The following TLL1 variants were observed in gnomAD, a reference collection of about 807,000 sequenced individuals.
TLL1 encodes the protein tolloid like 1, also known as tolloid-like protein 1.
TLL1 carries 49 observed loss-of-function variants against 128.2 expected under a neutral mutation model. That is an observed-to-expected ratio of 0.38 (90% CI 0.30 to 0.48). The LOEUF (loss-of-function observed/expected upper bound fraction) is 0.48. Among genes scored for constraint, TLL1 ranks in the 20% least tolerant of loss-of-function variants. TLL1 has a pLI of 0.96. For synonymous variants in TLL1, 454 were observed against 418.8 expected (o/e 1.08, Z -1.03); for missense variants, 1,123 against 1,242.0 (o/e 0.90, Z 1.44).
At chr4:165,902,808 T>C (rs1032249661) in intron 1 of TLL1, among the ~76,000 whole-genome samples, 37 of 152,314 alleles carry the variant, frequency 2.4e-4, no homozygotes, top group African/African-American at 8.2e-4. Flanking sequence ...CCCCAAAATG[T>C]TGATACATAT....
At chr4:166,074,744 G>A in intron 16 of TLL1, 134 bp from the exon 17 acceptor site, 1 of 1,109,374 alleles carries the variant, frequency 9.0e-7, no homozygotes, top group Non-Finnish European at 1.3e-6. Flanking sequence ...ATTTTTGTTT[G>A]TTTTATGTTG....
intron 1 of TLL1, among the ~76,000 whole-genome samples, chr4:165,922,305 T>C (rs1364757977): frequency 6.6e-6 from 1 of 152,218 alleles, no homozygotes; most frequent in Non-Finnish European, 1.5e-5. Flanking sequence ...TGATTCTTTG[T>C]TATTGGTTGG....
In TLL1 at chr4:166,075,020, A is replaced by C; in HGVS notation, c.2314+17A>C. On this transcript the variant is annotated intron_variant, in intron 17 of 20. Transcript: ENST00000061240. ...GCAAGGAAGGTATGGAACGGAATACACTTTTTTTGACAACATGTAGAATTT... is the reference window on the plus strand; with the variant it reads ...GCAAGGAAGGTATGGAACGGAATACCCTTTTTTTGACAACATGTAGAATTT... The C allele has an allele frequency of 6.2e-7, 1 of 1,612,368 alleles. No individual in the cohort carries two copies. The highest frequency in any genetic ancestry group is 8.5e-7 in the Non-Finnish European group (1 of 1,178,886).
chr4:165,986,684 C>A (rs1295602018), intron 1 of TLL1, among the ~76,000 whole-genome samples: 1 of 151,958 alleles, frequency 6.6e-6, no homozygotes, highest in Non-Finnish European at 1.5e-5. Context: ...TATCATCTAG[C>A]CTGGTGCCCT....
intron 1 of TLL1, among the ~76,000 whole-genome samples, chr4:165,916,460 G>T (rs1247989964): frequency 6.6e-6 from 1 of 152,162 alleles, no homozygotes; most frequent in African/African-American, 2.4e-5. Flanking sequence ...TTAGGGGGAG[G>T]TGTACATCAG....
chr4:165,897,334 T>C (rs1310051361), intron 1 of TLL1, among the ~76,000 whole-genome samples: 1 of 152,224 alleles, frequency 6.6e-6, no homozygotes, highest in African/African-American at 2.4e-5. Flanking sequence ...TGCTTAGGTT[T>C]TCTTCTAAGG....
At chr4:165,975,242 C>G (rs981315174) in intron 1 of TLL1, among the ~76,000 whole-genome samples, 1 of 152,074 alleles carries the variant, frequency 6.6e-6, no homozygotes, top group Non-Finnish European at 1.5e-5. Context: ...ATAAATTATT[C>G]AGTCTTGAGG....
At chr4:166,036,936 C>A (rs1739031694) in intron 9 of TLL1, among the ~76,000 whole-genome samples, 1 of 151,344 alleles carries the variant, frequency 6.6e-6, no homozygotes, top group Non-Finnish European at 1.5e-5. Context: ...ATTTTTTTTC[C>A]TCATGAAGAA....
chr4:165,970,537 C>T (rs904295959), intron 1 of TLL1, among the ~76,000 whole-genome samples: 1 of 152,138 alleles, frequency 6.6e-6, no homozygotes, highest in African/African-American at 2.4e-5. Context: ...TCTTTCTTCA[C>T]AGGAGGCATA....
At chr4:166,065,566 G>GACTACC (rs1441892540) in intron 15 of TLL1, 117 bp from the exon 16 acceptor site, 1 of 1,118,110 alleles carries the variant, frequency 8.9e-7, no homozygotes, top group Non-Finnish European at 1.3e-6. Context: ...TTACCTGTTA[G>GACTACC]TTCTAGTTTG....
At chr4:165,928,415 G>A (rs1260829025) in intron 1 of TLL1, among the ~76,000 whole-genome samples, 1 of 152,170 alleles carries the variant, frequency 6.6e-6, no homozygotes, top group Non-Finnish European at 1.5e-5. Flanking sequence ...CTCTATAGGA[G>A]AGTTGGGTAA....
Position 166,089,605 on chromosome 4 carries a change from T to G in TLL1, c.2443-1523T>G, listed in dbSNP as rs912301017. Among the ~76,000 whole-genome samples the G allele has an allele frequency of 2.0e-5, 3 of 152,136 alleles. No individual in the cohort carries two copies. In the East Asian group the frequency reaches 5.8e-4, roughly 29 times the overall value. ...ATAAATAGACTCTACTGATGTCTCC[T>G]TGTTCACTGTATTTCCCTACGCTGT... On this transcript the variant is annotated intron_variant, in intron 18 of 20. Transcript: ENST00000061240.
At chr4:165,973,852 G>A (rs1207955862) in intron 1 of TLL1, among the ~76,000 whole-genome samples, 1 of 151,948 alleles carries the variant, frequency 6.6e-6, no homozygotes, top group Non-Finnish European at 1.5e-5. Flanking sequence ...TTTTAATAGA[G>A]ATGGGGTTTC....
intron 19 of TLL1, among the ~76,000 whole-genome samples, chr4:166,098,695 T>C (rs1742141209): frequency 1.3e-5 from 2 of 152,214 alleles, no homozygotes; most frequent in East Asian, 1.9e-4. Context: ...AATACTACTA[T>C]TGTATATATT....
chr4:166,025,443 C>A lies in TLL1; in HGVS notation c.1158+12C>A. ...CCCCAGGGGAGAAGGTAGTTTATACCGTCAAGCCCACTATTTTATTCTTAT... is the reference window on the plus strand; with the variant it reads ...CCCCAGGGGAGAAGGTAGTTTATACAGTCAAGCCCACTATTTTATTCTTAT... On this transcript the variant is annotated intron_variant, in intron 9 of 20. Transcript: ENST00000061240. The A allele has an allele frequency of 6.5e-7, 1 of 1,548,124 alleles. No individual in the cohort carries two copies. Among genetic ancestry groups the A allele is most frequent in the Non-Finnish European group, 8.9e-7 (1 of 1,120,242 alleles).
At chr4:165,941,876 G>A (rs1469301108) in intron 1 of TLL1, among the ~76,000 whole-genome samples, 2 of 151,990 alleles carry the variant, frequency 1.3e-5, no homozygotes, top group Non-Finnish European at 2.9e-5. Context: ...TTAGGTCTTG[G>A]CTAGTACACT....
chr4:165,933,654 G>A (rs1033097182), intron 1 of TLL1, among the ~76,000 whole-genome samples: 2 of 152,170 alleles, frequency 1.3e-5, no homozygotes, highest in African/African-American at 2.4e-5. Flanking sequence ...GAATTGAGGA[G>A]GGCCTGGGAG....
At chr4:166,057,425 C>A in intron 14 of TLL1, 116 bp downstream of exon 14, 1 of 1,432,420 alleles carries the variant, frequency 7.0e-7, no homozygotes. Flanking sequence ...CCTCTTTCCT[C>A]AATTAGTAAG....
intron 1 of TLL1, among the ~76,000 whole-genome samples, chr4:165,963,195 A>T (rs1333111432): frequency 6.6e-6 from 1 of 152,070 alleles, no homozygotes; most frequent in Non-Finnish European, 1.5e-5. Context: ...CAGGCAAGGA[A>T]TAGAAAACTA....
Sources: allele counts gnomAD v4.1 joint callset (sites outside exome capture counted in the v4.1 genomes callset), GRCh38; gene constraint gnomAD v4.1.1; transcripts MANE v1.5; gene names NCBI Gene and HGNC (gene_info 2026-07-23, HGNC 2026-07-21).